GAGE1: variants seen among roughly 807,000 people sequenced by gnomAD.
GAGE1 encodes G antigen 1, also known as G antigen 4.
In GAGE1, 5 loss-of-function variants were observed where a neutral mutation model predicts 5.0. That is an observed-to-expected ratio of 1.00 (90% CI 0.52 to 2.11). The LOEUF is 2.11. Among genes scored for constraint, GAGE1 ranks in the 30% most tolerant of loss-of-function variants. The pLI, the probability that GAGE1 is intolerant of heterozygous loss-of-function variation, is 0.01. For missense variants in GAGE1, 9 were observed against 38.9 expected (o/e 0.23, Z 2.04); for synonymous variants, 6 against 14.8 (o/e 0.40, Z 1.37).
chrX:49,601,855 A>G (rs1557130912), intron 3 of GAGE1, among the ~76,000 whole-genome samples: 1 of 76,244 alleles, frequency 1.3e-5, no homozygotes. Context: ...AAATCCATCC[A>G]GCTAATCAAT....
In GAGE1 at chrX:49,604,900, C is replaced by T. The variant is rs782677016; in HGVS notation, c.332-1093C>T. 814 of 295,467 alleles carry T rather than the reference C, an allele frequency of 2.8e-3. 2 individuals carry two copies. Among genetic ancestry groups the T allele is most frequent in the Non-Finnish European group, 4.1e-3 (669 of 163,197 alleles). 24.3% of individuals were successfully genotyped at this position (295,467 alleles called of 1,213,427 possible). Reference sequence around the variant, plus strand: ...TCAGCTCACTGCAACCTCTGGCTCCCAGGCTAAAGCAGTCCTCCCACCTCA... The same window carrying T: ...TCAGCTCACTGCAACCTCTGGCTCCTAGGCTAAAGCAGTCCTCCCACCTCA... On this transcript the variant is annotated intron_variant, in intron 4 of 4. Coordinates refer to ENST00000381700, the MANE Select transcript of GAGE1 (RefSeq NM_001040663.4).
chrX:49,604,589 C>A (rs1253011082), intron 4 of GAGE1, among the ~76,000 whole-genome samples: 4 of 112,089 alleles, frequency 3.6e-5, no homozygotes, highest in African/African-American at 9.7e-5. Flanking sequence ...TACTCTGATC[C>A]TGTTGCATAG....
rs1699492853 is a variant in GAGE1, at chrX:49,607,614, G to A, written c.*1599G>A. On this transcript the variant is annotated 3_prime_UTR_variant, in exon 5 of 5. Coordinates refer to ENST00000381700, the MANE Select transcript of GAGE1 (RefSeq NM_001040663.4). ...AGGTACCTATCCCCTCAAACTTTGT[G>A]AGGGTCGCGTTCTCTGAAGATGCCT... The A allele has an allele frequency of 9.0e-6, 1 of 110,796 alleles. No individual in the cohort carries two copies. 9.1% of individuals were successfully genotyped at this position (110,796 alleles called of 1,213,427 possible).
rs1180864331 is a variant in GAGE1 at position 49,607,917 on chromosome X, T to A, written c.*1902T>A. On this transcript the variant is annotated 3_prime_UTR_variant, in exon 5 of 5. Coordinates refer to ENST00000381700, the MANE Select transcript of GAGE1 (RefSeq NM_001040663.4). ...TGTGTACATGTATGACCTCTTTAGA[T>A]CCTCACAAGATAAGGCAGAATTTTC... The A allele has an allele frequency of 9.0e-6, 1 of 111,667 alleles. No homozygotes were observed. The highest frequency in any genetic ancestry group is 3.3e-5 in the African/African-American group (1 of 30,731). The allele number at this position is 111,667 out of a possible 1,213,427, so 9.2% of individuals were successfully genotyped here.
rs782289852 is a variant in GAGE1, at chrX:49,605,010, A to G, written c.332-983A>G. On this transcript the variant is annotated intron_variant, in intron 4 of 4. Coordinates refer to ENST00000381700, the MANE Select transcript of GAGE1 (RefSeq NM_001040663.4). ...TTCATTTTTGTAGAGATGAGGTCTC[A>G]CTATGTTGCCCAGACTGGGATTCTC... 1.9e-5 allele frequency: 19 copies of G among 1,000,648 alleles called. No individual in the cohort carries two copies. The South Asian group carries it at 2.6e-4, about 14-fold the overall frequency. 82.5% of individuals were successfully genotyped at this position (1,000,648 alleles called of 1,213,427 possible). A position where few individuals can be genotyped will look rare whatever the true frequency, so the allele number is the denominator to read the frequency against.
intron 3 of GAGE1, among the ~76,000 whole-genome samples, chrX:49,602,750 A>G (rs781880351): frequency 2.3e-5 from 2 of 86,056 alleles, no homozygotes; most frequent in South Asian, 6.8e-4. Flanking sequence ...TTTAACAATG[A>G]GAAAATGGAG....
At position 49,608,237 on chromosome X, in the gene GAGE1, T is replaced by G. The variant is rs1429608982; in HGVS notation, c.*2222T>G. The stretch of plus-strand genomic sequence containing the variant: ...CCTCCTACCCCGCATTTCCCCTGCT[T>G]TTTCTCTTGTTCTGACTGAAAAACA... On this transcript the variant is annotated 3_prime_UTR_variant, in exon 5 of 5. Transcript: ENST00000381700. 1.8e-5 allele frequency: 2 copies of G among 111,629 alleles called. No homozygotes were observed. The highest frequency in any genetic ancestry group is 3.3e-5 in the African/African-American group (1 of 30,717). The allele number at this position is 111,629 out of a possible 1,213,427, so 9.2% of individuals were successfully genotyped here. A position where few individuals can be genotyped will look rare whatever the true frequency, so the allele number is the denominator to read the frequency against.
intron 4 of GAGE1, chrX:49,604,976 A>AT (rs782191004): frequency 2.6e-3 from 2,085 of 796,299 alleles, no homozygotes; most frequent in Non-Finnish European, 3.1e-3. Context: ...CCTGAGTAAA[A>AT]TTTTTTTTTT....
At chrX:49,605,360 C>G (rs1557132004) in intron 4 of GAGE1, among the ~76,000 whole-genome samples, 1 of 112,360 alleles carries the variant, frequency 8.9e-6, no homozygotes, top group Non-Finnish European at 1.9e-5. Flanking sequence ...CTAGTCCTTC[C>G]TGAGTAATCA....
In GAGE1 at chrX:49,606,348, C is replaced by T. The variant is rs1418821645; in HGVS notation, c.*333C>T. On this transcript the variant is annotated 3_prime_UTR_variant, in exon 5 of 5. Coordinates refer to ENST00000381700, the MANE Select transcript of GAGE1 (RefSeq NM_001040663.4). ...TTTTTGAATAAGAACAATTTTGTTT[C>T]TGCCTTTTTTGTTTGTTTTTTCTTT... The T allele has an allele frequency of 8.0e-6, 1 of 125,719 alleles. No individual in the cohort carries two copies. The highest frequency in any genetic ancestry group is 1.6e-5 in the Non-Finnish European group (1 of 62,472). 10.4% of individuals were successfully genotyped at this position (125,719 alleles called of 1,213,427 possible).
intron 3 of GAGE1, among the ~76,000 whole-genome samples, chrX:49,601,822 C>A (rs4313285): frequency 1.5e-5 from 1 of 64,918 alleles, no homozygotes; most frequent in African/African-American, 7.6e-5. Context: ...GGTGTCGTGA[C>A]TGTAAGATTT....
chrX:49,604,004 C>T (rs1287431325), intron 4 of GAGE1, among the ~76,000 whole-genome samples: 23 of 112,736 alleles, frequency 2.0e-4, no homozygotes, highest in Non-Finnish European at 3.2e-4. Context: ...AGGCGTGCTC[C>T]GCCGTGCCCA....
intron 4 of GAGE1, 141 bp downstream of exon 4, chrX:49,603,934 A>T (rs2066632152): frequency 3.5e-6 from 3 of 867,341 alleles, no homozygotes; most frequent in Non-Finnish European, 4.8e-6. Flanking sequence ...CTCACTGGAA[A>T]TTCTGTCTCC....
rs782133957 is a variant in GAGE1 at position 49,604,720 on chromosome X, G to A, written c.331+927G>A. 8.0e-5 allele frequency among the ~76,000 whole-genome samples: 9 copies of A among 112,083 alleles called. No individual in the cohort carries two copies. In the East Asian group the frequency reaches 2.2e-3, roughly 28 times the overall value. ...ATTTCATTGTTAGTAAGAAAGTGAG[G>A]GGGCACTCTGCTTCATCCTAGTTTT... On this transcript the variant is annotated intron_variant, in intron 4 of 4. Transcript: ENST00000381700.
In GAGE1 at chrX:49,607,217, C is replaced by T. The variant is rs1158998847; in HGVS notation, c.*1202C>T. On this transcript the variant is annotated 3_prime_UTR_variant, in exon 5 of 5. Coordinates refer to ENST00000381700, the MANE Select transcript of GAGE1 (RefSeq NM_001040663.4). ...TCCTAATCTCAAGCCATCCACTAGC[C>T]TCAGCCTCCCAAAGTGCTGGGATTA... 1 of 111,617 alleles carries T rather than the reference C, an allele frequency of 9.0e-6. No homozygotes were observed. The highest frequency in any genetic ancestry group is 9.6e-5 in the Admixed American group (1 of 10,471). 9.2% of individuals were successfully genotyped at this position (111,617 alleles called of 1,213,427 possible). A position where few individuals can be genotyped will look rare whatever the true frequency, so the allele number is the denominator to read the frequency against.
intron 4 of GAGE1, among the ~76,000 whole-genome samples, chrX:49,604,830 C>T (rs1463840079): frequency 4.5e-5 from 5 of 111,845 alleles, no homozygotes; most frequent in East Asian, 2.8e-4. Flanking sequence ...TTGTTTGCGA[C>T]GGAGTCTCAG....
chrX:49,602,196 A>G (rs5014894), intron 3 of GAGE1, among the ~76,000 whole-genome samples: 52 of 113,265 alleles, frequency 4.6e-4, no homozygotes, highest in African/African-American at 1.6e-3. Flanking sequence ...CATTAAATAA[A>G]TAAAGTTTTC....
rs188511960 is a variant in GAGE1, at chrX:49,602,608, A to C, written c.206-1060A>C. Among the ~76,000 whole-genome samples, 4 of 86,781 alleles carry C rather than the reference A, an allele frequency of 4.6e-5. No individual in the cohort carries two copies. The East Asian group carries it at 1.3e-3, about 29-fold the overall frequency. The allele number at this position is 86,781 out of a possible 115,157, so 75.4% of individuals were successfully genotyped here. On this transcript the variant is annotated intron_variant, in intron 3 of 4. Coordinates refer to ENST00000381700, the MANE Select transcript of GAGE1 (RefSeq NM_001040663.4). ...TACGGATATATGTTTACTGTTATTA[A>C]TGCTGAATTGTTTCGATAAAGTTTC...
intron 3 of GAGE1, among the ~76,000 whole-genome samples, chrX:49,602,712 T>C (rs1286663955): frequency 3.3e-5 from 3 of 90,956 alleles, no homozygotes; most frequent in Admixed American, 1.2e-4. Flanking sequence ...TCTTGGATCA[T>C]CACTGCACAA....
Sources: gnomAD v4.1 joint callset for allele counts (sites outside exome capture counted in the v4.1 genomes callset) on GRCh38, gnomAD v4.1.1 for gene constraint, MANE v1.5 for transcripts, NCBI Gene and HGNC (gene_info 2026-07-23, HGNC 2026-07-21) for gene names.